PHIP: variants seen among roughly 807,000 people sequenced by gnomAD.
PHIP encodes the protein PH-interacting protein.
A neutral mutation model predicts 236.8 loss-of-function variants in PHIP; 54 were observed. The ratio of observed to expected loss-of-function variants is 0.23; its 90% CI spans 0.18 to 0.29. The LOEUF is 0.29. PHIP is among the 10% of genes least tolerant of loss of function. PHIP has a pLI of 1.00. For missense variants in PHIP, 1,370 were observed against 2,190.8 expected (o/e 0.63, Z 7.48); for synonymous variants, 756 against 718.9 (o/e 1.05, Z -0.83).
At chr6:78,952,896 A>C (rs1196371785) in intron 35 of PHIP, among the ~76,000 whole-genome samples, 4 of 152,040 alleles carry the variant, frequency 2.6e-5, no homozygotes, top group Non-Finnish European at 5.9e-5. Flanking sequence ...CAGTAATCTT[A>C]CAAGGAATGT....
At chr6:78,994,006 G>A (rs548265648) in intron 19 of PHIP, among the ~76,000 whole-genome samples, 1 of 152,316 alleles carries the variant, frequency 6.6e-6, no homozygotes, top group East Asian at 1.9e-4. Context: ...AAGTATCACT[G>A]TTAACAGGAG....
intron 4 of PHIP, among the ~76,000 whole-genome samples, chr6:79,071,233 T>C (rs1350726678): frequency 6.6e-6 from 1 of 152,188 alleles, no homozygotes; most frequent in African/African-American, 2.4e-5. Context: ...CTGTAGTAAC[T>C]TGTCAACTTA....
intron 6 of PHIP, among the ~76,000 whole-genome samples, chr6:79,057,307 G>A (rs1445067402): frequency 1.3e-5 from 2 of 152,040 alleles, no homozygotes; most frequent in African/African-American, 2.4e-5. Flanking sequence ...ATAAGAAAAC[G>A]TAATTAGTGG....
intron 24 of PHIP, among the ~76,000 whole-genome samples, chr6:78,972,753 C>A (rs377638341): frequency 9.2e-5 from 14 of 151,772 alleles, no homozygotes; most frequent in African/African-American, 2.9e-4. Context: ...GGAGCCGATG[C>A]GATGAACTGG....
At chr6:78,945,947 AG>A in intron 38 of PHIP, 53 bp downstream of exon 38, 1 of 1,324,378 alleles carries the variant, frequency 7.6e-7, no homozygotes, top group South Asian at 1.3e-5. Context: ...GCAAAGTAAA[AG>A]CTTAAATTAA....
intron 32 of PHIP, 51 bp downstream of exon 32, chr6:78,958,424 G>A (rs1306722381): frequency 1.8e-6 from 2 of 1,134,024 alleles, no homozygotes; most frequent in African/African-American, 3.1e-5. Context: ...AGGAACTGTA[G>A]TGCCATTAAT....
intron 6 of PHIP, among the ~76,000 whole-genome samples, chr6:79,054,513 A>G (rs1288967898): frequency 6.6e-6 from 1 of 151,732 alleles, no homozygotes. Context: ...TGGATTGAGT[A>G]AGAAAATGGA....
chr6:79,055,113 C>T (rs763605269), intron 6 of PHIP, among the ~76,000 whole-genome samples: 3 of 151,846 alleles, frequency 2.0e-5, no homozygotes, highest in Admixed American at 6.6e-5. Context: ...CAAACCTCCA[C>T]AGACAAGTAA....
intron 32 of PHIP, chr6:78,957,238 T>C (rs1260487140): frequency 6.6e-6 from 1 of 152,022 alleles, no homozygotes; most frequent in Non-Finnish European, 1.5e-5. Context: ...ATGAATATAC[T>C]ATCTCATGTA....
At chr6:78,970,915 AC>A (rs774186076) in intron 24 of PHIP, 27 bp from the exon 25 acceptor site, 1 of 1,478,732 alleles carries the variant, frequency 6.8e-7, no homozygotes, top group Non-Finnish European at 9.3e-7. Flanking sequence ...TAATCTTACA[AC>A]CTGGATGTGT....
At chr6:78,976,323 T>A (rs1429262890) in intron 24 of PHIP, among the ~76,000 whole-genome samples, 10 of 145,608 alleles carry the variant, frequency 6.9e-5, no homozygotes, top group African/African-American at 2.3e-4. Flanking sequence ...GCTAGCCATA[T>A]GTAGAAAGCT....
intron 15 of PHIP, among the ~76,000 whole-genome samples, chr6:79,007,654 CTTTTTTTTTTT>C (rs35415106): frequency 8.6e-6 from 1 of 116,688 alleles, no homozygotes; most frequent in Non-Finnish European, 1.8e-5. Flanking sequence ...ATGTCTTGTT[CTTTTTTTTTTT>C]TTTTTTTTTT....
Position 78,938,577 on chromosome 6 carries a change from A to G in PHIP, c.*2116T>C, listed in dbSNP as rs145766521. 1 of 151,734 alleles carries G rather than the reference A, an allele frequency of 6.6e-6. No individual in the cohort carries two copies. The highest frequency in any genetic ancestry group is 2.4e-5 in the African/African-American group (1 of 41,548). 9.4% of individuals were successfully genotyped at this position (151,734 alleles called of 1,614,324 possible). On this transcript the variant is annotated 3_prime_UTR_variant, in exon 40 of 40. Coordinates refer to ENST00000275034, the MANE Select transcript of PHIP (RefSeq NM_017934.7). ...TGACAAATTTCAAACATACACTATT[A>G]TTTTCAAGAATGGTGTAACTGAAAG...
At chr6:79,062,827 T>G (rs562359051) in intron 4 of PHIP, among the ~76,000 whole-genome samples, 12 of 152,288 alleles carry the variant, frequency 7.9e-5, no homozygotes, top group Admixed American at 7.2e-4. Context: ...CTGCTGGCAA[T>G]CTTGTCTTAC....
intron 7 of PHIP, among the ~76,000 whole-genome samples, chr6:79,035,756 T>G (rs1244624779): frequency 6.6e-6 from 1 of 152,196 alleles, no homozygotes; most frequent in Non-Finnish European, 1.5e-5. Context: ...AGCTAAAAAG[T>G]AACCTGCTTT....
intron 31 of PHIP, among the ~76,000 whole-genome samples, chr6:78,959,779 A>C (rs538643602): frequency 1.6e-4 from 24 of 152,296 alleles, no homozygotes; most frequent in South Asian, 6.2e-4. Flanking sequence ...TTAAAATATA[A>C]TGTATCTTGA....
At position 78,989,338 on chromosome 6, in the gene PHIP, A is replaced by G. The variant is rs542098511; in HGVS notation, c.2320-989T>C. Reference sequence around the variant, plus strand: ...CTATTTGGGATGATAAGGCAAGAGGATCACTTGAGGCAGTCCAAGGCTGCA... The same window carrying G: ...CTATTTGGGATGATAAGGCAAGAGGGTCACTTGAGGCAGTCCAAGGCTGCA... On this transcript the variant is annotated intron_variant, in intron 20 of 39. Transcript: ENST00000275034. Among the ~76,000 whole-genome samples the G allele has an allele frequency of 2.6e-5, 4 of 152,312 alleles. No individual in the cohort carries two copies. In the East Asian group the frequency reaches 5.8e-4, roughly 22 times the overall value.
intron 39 of PHIP, among the ~76,000 whole-genome samples, chr6:78,942,544 A>G (rs976689242): frequency 6.6e-6 from 1 of 152,216 alleles, no homozygotes; most frequent in Non-Finnish European, 1.5e-5. Flanking sequence ...GGTCAGAGCC[A>G]AGTACAGACA....
intron 15 of PHIP, among the ~76,000 whole-genome samples, chr6:79,007,396 T>C (rs573427775): frequency 6.6e-6 from 1 of 152,072 alleles, no homozygotes; most frequent in South Asian, 2.1e-4. Context: ...AATCCTACCA[T>C]CTGAGGTTCT....
Sources: allele counts gnomAD v4.1 joint callset (sites outside exome capture counted in the v4.1 genomes callset), GRCh38; gene constraint gnomAD v4.1.1; transcripts MANE v1.5; gene names NCBI Gene and HGNC (gene_info 2026-07-23, HGNC 2026-07-21).